The following STAM variants were observed in gnomAD, a reference collection of about 807,000 sequenced individuals.
The protein encoded by STAM is signal transducing adaptor molecule, also known as signal transducing adapter molecule 1.
STAM carries 16 observed loss-of-function variants against 63.4 expected under a neutral mutation model. The ratio of observed to expected loss-of-function variants is 0.25; its 90% confidence interval spans 0.17 to 0.38. The LOEUF is 0.38. Among genes scored for constraint, STAM ranks in the 10% least tolerant of loss-of-function variants. The pLI is 1.00. For missense variants in STAM, 636 were observed against 657.1 expected, an observed-to-expected ratio of 0.97 and a Z score of 0.35; for synonymous variants, 238 against 223.9, an observed-to-expected ratio of 1.06 and a Z score of -0.56.
intron 2 of STAM, among the ~76,000 whole-genome samples, chr10:17,662,355 C>T (rs1386927083): frequency 4.6e-5 from 7 of 152,120 alleles, no homozygotes; most frequent in African/African-American, 1.7e-4. Context: ...CTCTGTGTCT[C>T]ATATCCTTTC....
At chr10:17,645,320 T>G (rs1391230216) in intron 1 of STAM, among the ~76,000 whole-genome samples, 1 of 152,202 alleles carries the variant, frequency 6.6e-6, no homozygotes, top group Non-Finnish European at 1.5e-5. Flanking sequence ...AAGGACAACC[T>G]TATGAATTTA....
At chr10:17,710,171 CCT>C (rs1352894545) in intron 13 of STAM, among the ~76,000 whole-genome samples, 2 of 151,980 alleles carry the variant, frequency 1.3e-5, no homozygotes, top group Non-Finnish European at 2.9e-5. Context: ...CCCTGCTAGT[CCT>C]CTGTTTGACT....
At chr10:17,676,909 A>ATG (rs2131615280) in intron 2 of STAM, among the ~76,000 whole-genome samples, 1 of 152,124 alleles carries the variant, frequency 6.6e-6, no homozygotes, top group South Asian at 2.1e-4. Flanking sequence ...ATATATATAT[A>ATG]TAAAAGTTCA....
In STAM at chr10:17,714,817, A is replaced by G. The variant is rs1554830641; in HGVS notation, c.*37A>G. 1.3e-6 allele frequency: 2 copies of G among 1,536,298 alleles called. No homozygotes were observed. The highest frequency in any genetic ancestry group is 1.8e-6 in the Non-Finnish European group (2 of 1,109,232). The stretch of plus-strand genomic sequence containing the variant: ...CCTCTTGGTGGCAGATACCTGCTAA[A>G]TGCCACTGACAATGTTATGAGATTC... On this transcript the variant is annotated 3_prime_UTR_variant, in exon 14 of 14. Coordinates refer to ENST00000377524, the MANE Select transcript of STAM (RefSeq NM_003473.4).
At chr10:17,679,241 T>G (rs1271301101) in intron 2 of STAM, among the ~76,000 whole-genome samples, 1 of 152,204 alleles carries the variant, frequency 6.6e-6, no homozygotes, top group Admixed American at 6.5e-5. Flanking sequence ...CTTTCCTTTC[T>G]TAAAAAAATA....
At chr10:17,661,851 C>A (rs1367584692) in intron 2 of STAM, among the ~76,000 whole-genome samples, 2 of 152,100 alleles carry the variant, frequency 1.3e-5, no homozygotes, top group Non-Finnish European at 2.9e-5. Flanking sequence ...TTTTTTGGCC[C>A]ATAATGTCCT....
chr10:17,681,944 A>G (rs1329860848), intron 2 of STAM, among the ~76,000 whole-genome samples: 3 of 152,228 alleles, frequency 2.0e-5, no homozygotes, highest in Admixed American at 6.5e-5. Flanking sequence ...ATTATCATTA[A>G]TTACCATAAA....
intron 10 of STAM, 50 bp from the exon 11 acceptor site, chr10:17,704,920 A>G (rs782173869): frequency 5.6e-6 from 8 of 1,424,746 alleles, no homozygotes; most frequent in East Asian, 2.3e-5. Flanking sequence ...AAAGGTTCAC[A>G]TTTTTTTTTC....
At chr10:17,692,306 G>A (rs377347777) in intron 5 of STAM, among the ~76,000 whole-genome samples, 4 of 150,862 alleles carry the variant, frequency 2.7e-5, no homozygotes, top group South Asian at 4.1e-4. Context: ...TAATTAACAG[G>A]TTGAGGGATG....
In STAM at chr10:17,673,077, A is replaced by G. The variant is rs1477833980; in HGVS notation, c.126-11598A>G. On this transcript the variant is annotated intron_variant, in intron 2 of 13. Coordinates refer to ENST00000377524, the MANE Select transcript of STAM (RefSeq NM_003473.4). ...ATGAGGATTTGCCCACCCTTTAAAC[A>G]GGTAGGTGATGGAAACCTTTGGTAG... The G allele has an allele frequency of 8.1e-6, 8 of 982,062 alleles. No individual in the cohort carries two copies. The African/African-American group carries it at 8.7e-5, about 11-fold the overall frequency. 60.8% of individuals were successfully genotyped at this position (982,062 alleles called of 1,614,324 possible). A position where few individuals can be genotyped will look rare whatever the true frequency, so the allele number is the denominator to read the frequency against.
Position 17,715,605 on chromosome 10 carries a change from T to A in STAM, c.*825T>A, listed in dbSNP as rs1015903347. 6.6e-6 allele frequency: 1 copy of A among 152,630 alleles called. No individual in the cohort carries two copies. Among genetic ancestry groups the A allele is most frequent in the Non-Finnish European group, 1.5e-5 (1 of 68,014 alleles). 9.5% of individuals were successfully genotyped at this position (152,630 alleles called of 1,614,324 possible). A position where few individuals can be genotyped will look rare whatever the true frequency, so the allele number is the denominator to read the frequency against. ...AATTAAGTACGATCACATTCTTTAT[T>A]TCTCATTTTAAAGAAATGATGTTGG... is the stretch of plus-strand genomic sequence containing the variant. On this transcript the variant is annotated 3_prime_UTR_variant, in exon 14 of 14. Coordinates refer to ENST00000377524, the MANE Select transcript of STAM (RefSeq NM_003473.4).
chr10:17,688,169 C>G lies in STAM; in HGVS notation c.440C>G (p.Ser147Cys). 2 of 1,551,258 alleles carry G rather than the reference C, an allele frequency of 1.3e-6. No homozygotes were observed. The highest frequency in any genetic ancestry group is 1.7e-6 in the Non-Finnish European group (2 of 1,149,210). Residue 147 changes from serine to cysteine, a missense_variant, in exon 5 of 14, where the codon TCT becomes TGT. By Grantham distance (112) the Ser-to-Cys change is moderately radical. Coordinates refer to ENST00000377524, the MANE Select transcript of STAM (RefSeq NM_003473.4). ...GGAGTTACGTTCCCAGCTATTGGCT[C>G]TCAGGTATTTTGGGAATGAAGTTGT... is the stretch of plus-strand genomic sequence containing the variant. The part of the protein sequence containing the change: ...EQGVTFPAIG[S>C]QAAEQAKASP...
At chr10:17,711,402 A>G (rs1029389550) in intron 13 of STAM, among the ~76,000 whole-genome samples, 1 of 152,220 alleles carries the variant, frequency 6.6e-6, no homozygotes, top group East Asian at 1.9e-4. Flanking sequence ...TACAGTCAGC[A>G]TGTGCCAGGC....
Position 17,716,171 on chromosome 10 carries a change from C to T in STAM, c.*1391C>T, listed in dbSNP as rs139263168. On this transcript the variant is annotated 3_prime_UTR_variant, in exon 14 of 14. Coordinates refer to ENST00000377524, the MANE Select transcript of STAM (RefSeq NM_003473.4). ...TATTTAAACAACGGAAAAGTTGAGT[C>T]GAACATCATATTTAATGAATTGATG... Among the ~76,000 whole-genome samples the T allele has an allele frequency of 2.0e-5, 3 of 152,138 alleles. No homozygotes were observed. The highest frequency in any genetic ancestry group is 6.5e-5 in the Admixed American group (1 of 15,272).
At chr10:17,705,854 G>A in intron 12 of STAM, 113 bp downstream of exon 12, 1 of 966,334 alleles carries the variant, frequency 1.0e-6, no homozygotes, top group Non-Finnish European at 1.5e-6. Context: ...GATTGCTTGA[G>A]ACCAGGAGTT....
chr10:17,648,034 T>C (rs904391555), intron 1 of STAM, among the ~76,000 whole-genome samples: 2 of 152,206 alleles, frequency 1.3e-5, no homozygotes, highest in African/African-American at 4.8e-5. Context: ...GATTACTGTT[T>C]CCTGTCACTG....
At chr10:17,705,458 A>G (rs917384974) in intron 11 of STAM, 130 bp from the exon 12 acceptor site, 6 of 1,096,086 alleles carry the variant, frequency 5.5e-6, no homozygotes, top group Non-Finnish European at 6.3e-6. Context: ...TATTTTTGTT[A>G]TAAGTGAAAT....
intron 12 of STAM, among the ~76,000 whole-genome samples, chr10:17,706,488 C>T (rs1470016847): frequency 6.7e-6 from 1 of 149,162 alleles, no homozygotes; most frequent in Non-Finnish European, 1.5e-5. Context: ...TCGCCATTCT[C>T]CTGCCTCAGC....
chr10:17,705,039 G>A lies in STAM; in HGVS notation c.1055+15G>A. 1 of 1,610,418 alleles carries A rather than the reference G, an allele frequency of 6.2e-7. No individual in the cohort carries two copies. Among genetic ancestry groups the A allele is most frequent in the Non-Finnish European group, 8.5e-7 (1 of 1,177,344 alleles). ...GATATTGATAGGTAAAAGAACATGG[G>A]TGCATTTATGTTGTGTACCTTCTTT... On this transcript the variant is annotated intron_variant, in intron 11 of 13. Transcript: ENST00000377524.
Sources: gnomAD v4.1 joint callset for allele counts (sites outside exome capture counted in the v4.1 genomes callset) on GRCh38, gnomAD v4.1.1 for gene constraint, MANE v1.5 for transcripts, NCBI Gene and HGNC (gene_info 2026-07-23, HGNC 2026-07-21) for gene names.